Variants in LOC112694756 observed in about 807,000 individuals in gnomAD.
At chr16:30,067,593 C>T in the LOC112694756 span, 1 of 1,614,088 alleles carries the variant, frequency 6.2e-7, no homozygotes, top group Non-Finnish European at 8.5e-7. Context: ...GACACTCTAC[C>T]AGAAGGCGGA....
At chr16:30,057,287 G>A in the LOC112694756 span, among the ~76,000 whole-genome samples, 2 of 152,222 alleles carry the variant, frequency 1.3e-5, no homozygotes, top group East Asian at 3.9e-4. Flanking sequence ...AAGGGTTACT[G>A]TCCTCCTCCT....
the LOC112694756 span, chr16:30,064,551 T>C: frequency 2.5e-6 from 1 of 398,694 alleles, no homozygotes; most frequent in Non-Finnish European, 4.4e-6. Context: ...CCGACCCAAG[T>C]CTTCCTCCCC....
At chr16:30,057,337 T>C in the LOC112694756 span, among the ~76,000 whole-genome samples, 2 of 152,236 alleles carry the variant, frequency 1.3e-5, no homozygotes, top group Non-Finnish European at 2.9e-5. Flanking sequence ...TTTAGTGGCT[T>C]CTCCAGAGTG....
At chr16:30,064,016 GCCGGCTGGACGGCAGCT>G in the LOC112694756 span, 7 of 398,694 alleles carry the variant, frequency 1.8e-5, no homozygotes, top group Non-Finnish European at 3.1e-5. Flanking sequence ...AGGACTCTTG[GCCGGCTGGACGGCAGCT>G]CCTCTGGAGG....
the LOC112694756 span, chr16:30,068,793 C>T: frequency 3.1e-6 from 5 of 1,614,234 alleles, no homozygotes; most frequent in Admixed American, 8.3e-5. Flanking sequence ...CCCCACCGTG[C>T]TCTGACCCCT....
the LOC112694756 span, among the ~76,000 whole-genome samples, chr16:30,058,135 A>G: frequency 2.0e-5 from 3 of 152,120 alleles, no homozygotes; most frequent in African/African-American, 7.2e-5. Flanking sequence ...CACCTTCCCC[A>G]CAGAGGGCTG....
At chr16:30,064,235 C>T in the LOC112694756 span, 1 of 397,792 alleles carries the variant, frequency 2.5e-6, no homozygotes, top group Non-Finnish European at 4.4e-6. Context: ...ACGGACTCTC[C>T]GTTATTTTAG....
chr16:30,058,076 T>G, the LOC112694756 span, among the ~76,000 whole-genome samples: 1 of 152,152 alleles, frequency 6.6e-6, no homozygotes, highest in Non-Finnish European at 1.5e-5. Flanking sequence ...ATCACCTCCT[T>G]GGGAGAGAGG....
At chr16:30,067,258 C>T in the LOC112694756 span, 1 of 1,612,340 alleles carries the variant, frequency 6.2e-7, no homozygotes, top group Non-Finnish European at 8.5e-7. Flanking sequence ...CAGCACCATG[C>T]CCTACCAATA....
chr16:30,069,270 G>C, the LOC112694756 span: 47 of 1,609,230 alleles, frequency 2.9e-5, no homozygotes, highest in Non-Finnish European at 3.9e-5. Flanking sequence ...CTCTGGGTTA[G>C]GAGGCCTCAC....
At chr16:30,069,644 T>C in the LOC112694756 span, 1 of 1,613,822 alleles carries the variant, frequency 6.2e-7, no homozygotes, top group South Asian at 1.1e-5. Context: ...GTCACAGCGC[T>C]GCGCCGCACA....
At chr16:30,067,737 TGAATGCTG>T in the LOC112694756 span, 1 of 1,556,656 alleles carries the variant, frequency 6.4e-7, no homozygotes. Flanking sequence ...AGGCAGGGAA[TGAATGCTG>T]GATTGGTGGC....
chr16:30,061,143 G>A, the LOC112694756 span, among the ~76,000 whole-genome samples: 4 of 152,278 alleles, frequency 2.6e-5, no homozygotes, highest in Non-Finnish European at 5.9e-5. Context: ...GCCTAAGGCA[G>A]TTGCGGGTCA....
the LOC112694756 span, chr16:30,070,383 A>C: frequency 1.2e-5 from 8 of 651,222 alleles, no homozygotes; most frequent in Non-Finnish European, 2.2e-5. Flanking sequence ...CCTTTCCGGC[A>C]CACTGCCAAA....
the LOC112694756 span, among the ~76,000 whole-genome samples, chr16:30,063,218 A>G: frequency 1.3e-5 from 2 of 152,178 alleles, no homozygotes; most frequent in Non-Finnish European, 2.9e-5. Flanking sequence ...ATCATTCATG[A>G]ATGCGGTCTG....
At chr16:30,068,862 G>A in the LOC112694756 span, 3 of 1,614,244 alleles carry the variant, frequency 1.9e-6, no homozygotes, top group East Asian at 4.5e-5. Flanking sequence ...CAAGAAGGAC[G>A]GAGCTGACTT....
the LOC112694756 span, chr16:30,054,989 C>A: frequency 7.6e-6 from 3 of 396,008 alleles, no homozygotes; most frequent in Admixed American, 1.4e-4. Flanking sequence ...GGTAACCTGT[C>A]CCTTCATCTG....
At chr16:30,066,585 TTTTCC>T in the LOC112694756 span, among the ~76,000 whole-genome samples, 8 of 152,286 alleles carry the variant, frequency 5.3e-5, no homozygotes, top group South Asian at 1.7e-3. Flanking sequence ...TCTCTTATAT[TTTTCC>T]TAATGCCCCT....
At chr16:30,053,166 T>G in the LOC112694756 span, 2 of 152,402 alleles carry the variant, frequency 1.3e-5, no homozygotes, top group East Asian at 1.9e-4. Flanking sequence ...CTCGGACGAT[T>G]GGACCTAGCT....
Sources: gnomAD v4.1 joint callset for allele counts (sites outside exome capture counted in the v4.1 genomes callset) on GRCh38, gnomAD v4.1.1 for gene constraint, MANE v1.5 for transcripts.